The following SLC7A7 variants were observed in gnomAD, a reference collection of about 807,000 sequenced individuals.
SLC7A7 encodes Y+L amino acid transporter 1.
SLC7A7 carries 39 observed loss-of-function variants against 47.9 expected under a neutral mutation model. That is an observed-to-expected ratio of 0.81 (90% CI 0.63 to 1.06). SLC7A7 has a LOEUF of 1.06. Among genes scored for constraint, SLC7A7 ranks in the 50% least tolerant of loss-of-function variants. The pLI is 0.00. For missense variants in SLC7A7, 588 were observed against 632.0 expected, an observed-to-expected ratio of 0.93 and a Z score of 0.75; for synonymous variants, 234 against 242.8, an observed-to-expected ratio of 0.96 and a Z score of 0.34.
intron 2 of SLC7A7, among the ~76,000 whole-genome samples, chr14:22,791,046 T>C (rs962932765): frequency 6.6e-6 from 1 of 151,174 alleles, no homozygotes; most frequent in African/African-American, 2.4e-5. Context: ...TTACTTGTAA[T>C]ATTTGTAGAT....
chr14:22,787,345 A>G (rs1346000320), intron 2 of SLC7A7, among the ~76,000 whole-genome samples: 2 of 151,494 alleles, frequency 1.3e-5, no homozygotes, highest in East Asian at 3.9e-4. Context: ...CTGAGGCAGG[A>G]GAATCGCTTG....
chr14:22,787,939 G>T (rs1305111183), intron 2 of SLC7A7, among the ~76,000 whole-genome samples: 4 of 151,782 alleles, frequency 2.6e-5, no homozygotes, highest in Non-Finnish European at 5.9e-5. Flanking sequence ...CGGGCGTGGT[G>T]GCGGGTGCCT....
At chr14:22,773,852 G>A in intron 9 of SLC7A7, 81 bp downstream of exon 9, 2 of 1,584,670 alleles carry the variant, frequency 1.3e-6, no homozygotes, top group Non-Finnish European at 1.7e-6. Context: ...AGGCAAAGAT[G>A]TCTTTGGAGG....
intron 2 of SLC7A7, among the ~76,000 whole-genome samples, chr14:22,793,108 A>G (rs12147763): frequency 0.87 from 130,699 of 150,962 alleles, 57,485 homozygotes; most frequent in East Asian, 0.98. Flanking sequence ...TAGTAGAGAC[A>G]GGGTTTCACC....
At chr14:22,789,207 C>G (rs1300260280) in intron 2 of SLC7A7, among the ~76,000 whole-genome samples, 1 of 152,152 alleles carries the variant, frequency 6.6e-6, no homozygotes, top group East Asian at 1.9e-4. Flanking sequence ...CATCCACCTC[C>G]GGTGGAAAGC....
At chr14:22,786,791 C>G (rs1032032569) in intron 2 of SLC7A7, among the ~76,000 whole-genome samples, 1 of 152,080 alleles carries the variant, frequency 6.6e-6, no homozygotes, top group African/African-American at 2.4e-5. Flanking sequence ...TTTTAGTTAG[C>G]CAGACATGGT....
At chr14:22,813,556 A>C (rs990229602) in intron 1 of SLC7A7, 116 bp from the exon 2 acceptor site, 49 of 788,970 alleles carry the variant, frequency 6.2e-5, no homozygotes, top group Non-Finnish European at 8.5e-5. Flanking sequence ...GAGACCTCCA[A>C]ATAACCTTTT....
chr14:22,779,265 A>G (rs934152401), intron 3 of SLC7A7, among the ~76,000 whole-genome samples: 5 of 152,130 alleles, frequency 3.3e-5, no homozygotes, highest in Non-Finnish European at 7.4e-5. Flanking sequence ...AGGCTGCCTG[A>G]TTCCTGCCTC....
In SLC7A7 at chr14:22,773,471, T is replaced by C. The variant is rs762821525; in HGVS notation, c.*139A>G. 1 of 742,098 alleles carries C rather than the reference T, an allele frequency of 1.3e-6. No homozygotes were observed. The highest frequency in any genetic ancestry group is 2.5e-6 in the Non-Finnish European group (1 of 406,898). The allele number at this position is 742,098 out of a possible 1,614,324, so 46.0% of individuals were successfully genotyped here. ...ATAAATTACTTTTCATTTCAAAAAGTAAGTTCAAAGGTTGAAGCTGCCTAG... is the reference window on the plus strand; with the variant it reads ...ATAAATTACTTTTCATTTCAAAAAGCAAGTTCAAAGGTTGAAGCTGCCTAG... On this transcript the variant is annotated 3_prime_UTR_variant, in exon 10 of 10. Coordinates refer to ENST00000674313, the MANE Select transcript of SLC7A7 (RefSeq NM_003982.4).
At chr14:22,777,699 A>G (rs1195550365) in intron 4 of SLC7A7, among the ~76,000 whole-genome samples, 3 of 152,220 alleles carry the variant, frequency 2.0e-5, no homozygotes, top group Admixed American at 1.3e-4. Context: ...CGTTACCACT[A>G]GTTGTGTACC....
At chr14:22,804,366 C>A (rs911875388) in intron 2 of SLC7A7, among the ~76,000 whole-genome samples, 1 of 152,116 alleles carries the variant, frequency 6.6e-6, no homozygotes, top group Non-Finnish European at 1.5e-5. Context: ...CAAATGGGAT[C>A]TTATTAAACT....
chr14:22,815,790 T>C, upstream of SLC7A7: 1 of 417,422 alleles, frequency 2.4e-6, no homozygotes, highest in South Asian at 1.7e-5. Flanking sequence ...TCTCTCTCTC[T>C]GTGTCCTCCA....
At chr14:22,809,488 G>T (rs956271618) in intron 2 of SLC7A7, among the ~76,000 whole-genome samples, 1 of 151,514 alleles carries the variant, frequency 6.6e-6, no homozygotes, top group Non-Finnish European at 1.5e-5. Flanking sequence ...CTATAGGCAC[G>T]CACCACCACA....
chr14:22,795,837 C>T (rs941721821), intron 2 of SLC7A7, among the ~76,000 whole-genome samples: 7 of 152,094 alleles, frequency 4.6e-5, no homozygotes, highest in East Asian at 1.9e-4. Context: ...TGCTGCCCAG[C>T]ATCTTCCGCA....
chr14:22,780,726 G>A (rs1258589986), intron 2 of SLC7A7, among the ~76,000 whole-genome samples: 1 of 152,190 alleles, frequency 6.6e-6, no homozygotes, highest in Admixed American at 6.5e-5. Flanking sequence ...AGAAGTACAG[G>A]TTTTAAAAGT....
chr14:22,788,645 A>T (rs1476291363), intron 2 of SLC7A7, among the ~76,000 whole-genome samples: 1 of 151,166 alleles, frequency 6.6e-6, no homozygotes, highest in East Asian at 1.9e-4. Context: ...TGGAGGTTGC[A>T]GTGAGCCAAG....
upstream of SLC7A7, among the ~76,000 whole-genome samples, chr14:22,818,673 G>A (rs1275258392): frequency 2.0e-5 from 3 of 146,544 alleles, no homozygotes; most frequent in African/African-American, 7.7e-5. Context: ...CACAATCTCT[G>A]CTCACTGCAA....
chr14:22,778,307 A>T (rs2139393799), intron 4 of SLC7A7, among the ~76,000 whole-genome samples: 1 of 152,224 alleles, frequency 6.6e-6, no homozygotes, highest in South Asian at 2.1e-4. Flanking sequence ...TTTTCACTCT[A>T]TATATAGACT....
chr14:22,795,601 A>G (rs1182124596), intron 2 of SLC7A7, among the ~76,000 whole-genome samples: 15 of 151,552 alleles, frequency 9.9e-5, no homozygotes, highest in Non-Finnish European at 1.6e-4. Context: ...CAGCCTCCCG[A>G]GTAGCTGGGA....
Sources: allele counts gnomAD v4.1 joint callset (sites outside exome capture counted in the v4.1 genomes callset), GRCh38; gene constraint gnomAD v4.1.1; transcripts MANE v1.5; gene names NCBI Gene and HGNC (gene_info 2026-07-23, HGNC 2026-07-21).